Variants in CD70 observed in about 807,000 individuals in gnomAD.
CD70 encodes the protein CD70 molecule.
CD70 carries 6 observed loss-of-function variants against 9.0 expected under a neutral mutation model. The ratio of observed to expected loss-of-function variants is 0.67; its 90% CI spans 0.37 to 1.32. The LOEUF is 1.32. CD70 is among the 40% of genes most tolerant of loss of function. CD70 has a pLI of 0.02. For synonymous variants in CD70, 108 were observed against 112.3 expected (o/e 0.96, Z 0.24); for missense variants, 235 against 258.7 (o/e 0.91, Z 0.63).
intron 2 of CD70, among the ~76,000 whole-genome samples, chr19:6,587,333 A>T (rs1000811916): frequency 1.3e-5 from 2 of 150,340 alleles, no homozygotes; most frequent in Non-Finnish European, 3.0e-5. Flanking sequence ...CAAGAGAGAG[A>T]GTGTGTGTGT....
At chr19:6,582,889 T>G (rs1915946000), downstream of CD70, among the ~76,000 whole-genome samples, 1 of 152,166 alleles carries the variant, frequency 6.6e-6, no homozygotes, top group Non-Finnish European at 1.5e-5. Flanking sequence ...ATGTAAGTGG[T>G]GGGTTCCCAT....
Position 6,586,254 on chromosome 19 carries a change from G to T in CD70, c.348C>A (p.Ser116=). 1 of 1,614,010 alleles carries T rather than the reference G, an allele frequency of 6.2e-7. No individual in the cohort carries two copies. Among genetic ancestry groups the T allele is most frequent in the Non-Finnish European group, 8.5e-7 (1 of 1,180,008 alleles). The change falls in exon 3 of 3, where the codon TCC becomes TCA. Residue 116 remains serine, a synonymous_variant. Coordinates refer to ENST00000245903, the MANE Select transcript of CD70 (RefSeq NM_001252.5). The part of the protein sequence containing the change: ...VHIQVTLAIC[S]STTASRHHPT... ...GGTGGTGCCTGGAGGCCGTCGTGGAGGAGCAGATGGCCAGCGTCACCTGGA... is the reference window on the plus strand; with the variant it reads ...GGTGGTGCCTGGAGGCCGTCGTGGATGAGCAGATGGCCAGCGTCACCTGGA...
At chr19:6,589,223 CCTT>C (rs1359959434) in intron 2 of CD70, among the ~76,000 whole-genome samples, 1 of 147,908 alleles carries the variant, frequency 6.8e-6, no homozygotes, top group Middle Eastern at 3.5e-3. Flanking sequence ...CTGTTATTCT[CCTT>C]CTCTTTTCCT....
chr19:6,586,955 G>T (rs1379557210), intron 2 of CD70, among the ~76,000 whole-genome samples: 1 of 151,264 alleles, frequency 6.6e-6, no homozygotes, highest in Non-Finnish European at 1.5e-5. Flanking sequence ...TAGAGGGGGA[G>T]GGAGAGATAT....
chr19:6,588,771 G>T (rs1916084045), intron 2 of CD70, among the ~76,000 whole-genome samples: 1 of 151,932 alleles, frequency 6.6e-6, no homozygotes, highest in Non-Finnish European at 1.5e-5. Context: ...TTTACTCTAC[G>T]TGGCATTGCT....
chr19:6,582,272 G>T (rs1915932486), downstream of CD70, among the ~76,000 whole-genome samples: 1 of 151,452 alleles, frequency 6.6e-6, no homozygotes, highest in African/African-American at 2.4e-5. Flanking sequence ...TTCAGCTCAG[G>T]CAATCTGCTC....
chr19:6,588,648 C>A (rs966530604), intron 2 of CD70, among the ~76,000 whole-genome samples: 1 of 151,992 alleles, frequency 6.6e-6, no homozygotes, highest in Non-Finnish European at 1.5e-5. Flanking sequence ...ATACCACCCC[C>A]CCACCCGACC....
downstream of CD70, chr19:6,583,601 C>G (rs536535334): frequency 1.0e-4 from 56 of 544,938 alleles, no homozygotes; most frequent in African/African-American, 1.0e-3. Flanking sequence ...CTCTGCCACC[C>G]AGGCTGGAGT....
At chr19:6,587,193 G>A (rs1568431521) in intron 2 of CD70, among the ~76,000 whole-genome samples, 1 of 119,750 alleles carries the variant, frequency 8.4e-6, no homozygotes, top group Non-Finnish European at 1.7e-5. Flanking sequence ...AGATCATGAG[G>A]GAGAGAGAGC....
chr19:6,587,154 G>C (rs1280353041), intron 2 of CD70, among the ~76,000 whole-genome samples: 6 of 149,682 alleles, frequency 4.0e-5, no homozygotes, highest in Non-Finnish European at 8.9e-5. Flanking sequence ...GAGCAGGAGA[G>C]AGTGCAAGAG....
Position 6,590,774 on chromosome 19 carries a change from T to A in CD70, c.162+67A>T, listed in dbSNP as rs928509152. The A allele has an allele frequency of 2.9e-6, 4 of 1,369,984 alleles. No homozygotes were observed. The highest frequency in any genetic ancestry group is 4.6e-5 in the East Asian group (2 of 43,678). 84.9% of individuals were successfully genotyped at this position (1,369,984 alleles called of 1,614,324 possible). A position where few individuals can be genotyped will look rare whatever the true frequency, so the allele number is the denominator to read the frequency against. On this transcript the variant is annotated intron_variant, in intron 1 of 2. Transcript: ENST00000245903. This position sits in a 1 kb window ranked among gnomAD's most constrained non-coding sequence, Gnocchi z 5.3. ...TTCCTCTCTGGCCTCTTTGTACCCA[T>A]CTCATTCTGTCTTTTCGGTCACGCG...
chr19:6,589,293 T>A (rs1377322946), intron 2 of CD70, among the ~76,000 whole-genome samples: 3 of 151,844 alleles, frequency 2.0e-5, no homozygotes, highest in African/African-American at 7.3e-5. Context: ...TTCTTCTTTC[T>A]TTTTCCTTTC....
At chr19:6,581,661 C>A (rs1341834218), downstream of CD70, among the ~76,000 whole-genome samples, 1 of 152,070 alleles carries the variant, frequency 6.6e-6, no homozygotes, top group Non-Finnish European at 1.5e-5. Flanking sequence ...CTAAAAAATT[C>A]TATTTTATAT....
chr19:6,589,130 T>C (rs1263094458), intron 2 of CD70, among the ~76,000 whole-genome samples: 1 of 151,898 alleles, frequency 6.6e-6, no homozygotes, highest in African/African-American at 2.4e-5. Flanking sequence ...GTTCTCTCCC[T>C]TTTCCTTTTT....
downstream of CD70, among the ~76,000 whole-genome samples, chr19:6,584,988 A>C (rs56379641): frequency 6.6e-6 from 1 of 151,852 alleles, no homozygotes; most frequent in Non-Finnish European, 1.5e-5. Context: ...GTTCCATTAC[A>C]TAGTTAAATG....
downstream of CD70, among the ~76,000 whole-genome samples, chr19:6,582,458 A>C (rs563407435): frequency 5.1e-4 from 77 of 150,000 alleles, no homozygotes; most frequent in African/African-American, 1.9e-3. Context: ...TGCACCCATT[A>C]ATTTGTCATT....
chr19:6,589,104 C>CCTCT (rs111719084), intron 2 of CD70, among the ~76,000 whole-genome samples: 15 of 150,632 alleles, frequency 1.0e-4, no homozygotes, highest in African/African-American at 3.7e-4. Context: ...CTCTCTCTCT[C>CCTCT]CTCTCTCTCT....
chr19:6,582,503 C>A (rs1032982299), downstream of CD70, among the ~76,000 whole-genome samples: 20 of 151,412 alleles, frequency 1.3e-4, no homozygotes, highest in Admixed American at 2.6e-4. Context: ...TATCCCTCCC[C>A]CCCTCCCCCG....
intron 2 of CD70, among the ~76,000 whole-genome samples, chr19:6,587,362 T>A (rs1380073811): frequency 6.9e-6 from 1 of 145,892 alleles, no homozygotes; most frequent in African/African-American, 2.6e-5. Flanking sequence ...ACGAGAGAGC[T>A]TGAGAGAGAG....
Sources: gnomAD v4.1 joint callset for allele counts (sites outside exome capture counted in the v4.1 genomes callset) on GRCh38, gnomAD v4.1.1 for gene constraint, Gnocchi (gnomAD v3.1) non-coding constraint, MANE v1.5 for transcripts, NCBI Gene and HGNC (gene_info 2026-07-23, HGNC 2026-07-21) for gene names.